Variants in LMNA observed in about 807,000 individuals in gnomAD.
The protein encoded by LMNA is lamin.
Under a neutral mutation model 70.4 loss-of-function variants are expected in LMNA, and 20 were observed. The ratio of observed to expected loss-of-function variants is 0.28; its 90% CI spans 0.20 to 0.41. LMNA has a LOEUF of 0.41. Among genes scored for constraint, LMNA ranks in the 10% least tolerant of loss-of-function variants. The probability of loss-of-function intolerance (pLI) is 1.00; values close to 1 mark genes in which losing one functional copy is unlikely to be tolerated. For missense variants in LMNA, 652 were observed against 917.2 expected (o/e 0.71, Z 3.73); for synonymous variants, 339 against 372.8 (o/e 0.91, Z 1.04).
rs1651849624 is a variant in LMNA, at chr1:156,138,414, G to A, written c.1699-74G>A. On this transcript the variant is annotated intron_variant, in intron 10 of 11. Transcript: ENST00000368300. This position sits in a 1 kb window ranked among gnomAD's most constrained non-coding sequence, Gnocchi z 5.5. ...GCCTGGCGGCTGGGAGCCTGCAGGA[G>A]CCTGGAGCCTGGTTGGGCCTGAGTG... The A allele has an allele frequency of 1.3e-6, 2 of 1,525,664 alleles. No homozygotes were observed. Among genetic ancestry groups the A allele is most frequent in the Middle Eastern group, 2.3e-4 (1 of 4,396 alleles). The allele number at this position is 1,525,664 out of a possible 1,614,324, so 94.5% of individuals were successfully genotyped here.
At chr1:156,092,508 G>A (rs1339009168) in intron 3 of LMNA, among the ~76,000 whole-genome samples, 3 of 151,666 alleles carry the variant, frequency 2.0e-5, no homozygotes, top group East Asian at 2.0e-4. Context: ...GCAAAACCCC[G>A]TCTCTACAAA....
intron 3 of LMNA, among the ~76,000 whole-genome samples, chr1:156,095,768 CTAAT>C (rs1300529589): frequency 1.3e-5 from 2 of 152,226 alleles, no homozygotes; most frequent in Admixed American, 1.3e-4. Context: ...CCCCACACTT[CTAAT>C]TAATTCTTGT....
chr1:156,134,144 G>T lies in LMNA; in HGVS notation c.514-259G>T, dbSNP rs1380474694. On this transcript the variant is annotated intron_variant, in intron 2 of 11. Coordinates refer to ENST00000368300, the MANE Select transcript of LMNA (RefSeq NM_170707.4). This position sits in a 1 kb window ranked among gnomAD's most constrained non-coding sequence, Gnocchi z 5.3. ...CGATTCTTGTGCCTCAGCCTCCTGA[G>T]TAGCTGGGACTACAGGCGTGTGCCA... Among the ~76,000 whole-genome samples the T allele has an allele frequency of 6.6e-6, 1 of 152,182 alleles. No individual in the cohort carries two copies. Among genetic ancestry groups the T allele is most frequent in the African/African-American group, 2.4e-5 (1 of 41,452 alleles).
chr1:156,115,307 G>A lies in LMNA; in HGVS notation c.356+33G>A. 5.7e-6 allele frequency: 9 copies of A among 1,572,302 alleles called. No individual in the cohort carries two copies. Among genetic ancestry groups the A allele is most frequent in the Non-Finnish European group, 7.7e-6 (9 of 1,162,694 alleles). On this transcript the variant is annotated intron_variant, in intron 1 of 11. Transcript: ENST00000368300. The surrounding 1 kb of genome is among the most constrained non-coding windows in gnomAD (Gnocchi z 5.8). Reference sequence around the variant, plus strand: ...CGCCCAGGTGGCTGCGTGCCTGGCGGGGAGTGGAGAGGGCGGCGGGCCGGC... The same window carrying A: ...CGCCCAGGTGGCTGCGTGCCTGGCGAGGAGTGGAGAGGGCGGCGGGCCGGC...
Position 156,134,480 on chromosome 1 carries a change from G to A in LMNA, c.591G>A (p.Leu197=), listed in dbSNP as rs886044049. The A allele has an allele frequency of 3.1e-6, 5 of 1,614,202 alleles. No homozygotes were observed. Among genetic ancestry groups the A allele is most frequent in the Non-Finnish European group, 4.2e-6 (5 of 1,180,032 alleles). The change falls in exon 3 of 12, where the codon CTG becomes CTA. Residue 197 remains leucine (L), a synonymous_variant. Coordinates refer to ENST00000368300, the MANE Select transcript of LMNA (RefSeq NM_170707.4). The surrounding 1 kb of genome is among the most constrained non-coding windows in gnomAD (Gnocchi z 5.3). The stretch of plus-strand genomic sequence containing the variant: ...GGCGGGTGGATGCTGAGAACAGGCT[G>A]CAGACCATGAAGGAGGAACTGGACT... ...MLRRVDAENR[L]QTMKEELDFQ...
chr1:156,090,846 G>T (rs1057421218), intron 3 of LMNA, among the ~76,000 whole-genome samples: 9 of 152,162 alleles, frequency 5.9e-5, no homozygotes, highest in African/African-American at 1.9e-4. Flanking sequence ...GGGGAGCAGG[G>T]GACAGGTTCA....
chr1:156,136,467 C>T lies in LMNA; in HGVS notation c.1380+31C>T, dbSNP rs774661762. On this transcript the variant is annotated intron_variant, in intron 7 of 11. Coordinates refer to ENST00000368300, the MANE Select transcript of LMNA (RefSeq NM_170707.4). This position sits in a 1 kb window ranked among gnomAD's most constrained non-coding sequence, Gnocchi z 6.1. ...CTCCTGCTCAGGGTCTAAGGGGATACAGCTGCATCAGGGAGAGAGTGGCAA... is the reference window on the plus strand; with the variant it reads ...CTCCTGCTCAGGGTCTAAGGGGATATAGCTGCATCAGGGAGAGAGTGGCAA... The T allele has an allele frequency of 4.6e-6, 7 of 1,536,416 alleles. No homozygotes were observed. The highest frequency in any genetic ancestry group is 3.6e-5 in the South Asian group (3 of 84,172).
In LMNA at chr1:156,138,866, C is replaced by G. The variant is rs1448876621; in HGVS notation, c.1968+109C>G. 1.8e-5 allele frequency: 26 copies of G among 1,465,918 alleles called. No homozygotes were observed. Among genetic ancestry groups the G allele is most frequent in the Non-Finnish European group, 2.1e-5 (22 of 1,058,922 alleles). The allele number at this position is 1,465,918 out of a possible 1,614,324, so 90.8% of individuals were successfully genotyped here. On this transcript the variant is annotated intron_variant, in intron 11 of 11. Coordinates refer to ENST00000368300, the MANE Select transcript of LMNA (RefSeq NM_170707.4). This position sits in a 1 kb window ranked among gnomAD's most constrained non-coding sequence, Gnocchi z 5.5. ...GAGAGCCTGCCTTCTCTTCCGCAGC[C>G]CGGGGGAGTGGGAGCCTCCTCCCCA...
At position 156,135,128 on chromosome 1, in the gene LMNA, G is replaced by A. The variant is rs1009130231; in HGVS notation, c.811-59G>A. Reference sequence around the variant, plus strand: ...GGCTGTAGCAGTGATGCCCAACTCAGGCCTGTGCCTCCACCCCTCCCAGTC... The same window carrying A: ...GGCTGTAGCAGTGATGCCCAACTCAAGCCTGTGCCTCCACCCCTCCCAGTC... On this transcript the variant is annotated intron_variant, in intron 4 of 11. Transcript: ENST00000368300. The surrounding 1 kb of genome is among the most constrained non-coding windows in gnomAD (Gnocchi z 4.8). The A allele has an allele frequency of 5.0e-6, 8 of 1,613,270 alleles. No individual in the cohort carries two copies. The highest frequency in any genetic ancestry group is 2.7e-5 in the African/African-American group (2 of 74,924).
chr1:156,091,922 A>T (rs916031449), intron 3 of LMNA, among the ~76,000 whole-genome samples: 19 of 147,456 alleles, frequency 1.3e-4, no homozygotes, highest in African/African-American at 2.5e-4. Flanking sequence ...ACAAAAAAAA[A>T]TTTTTTTTTT....
intron 3 of LMNA, among the ~76,000 whole-genome samples, chr1:156,101,424 T>G (rs2102799151): frequency 6.6e-6 from 1 of 152,226 alleles, no homozygotes; most frequent in Non-Finnish European, 1.5e-5. Flanking sequence ...CCCATGAATT[T>G]TGGATTGCAG....
chr1:156,139,655 C>T lies in LMNA; in HGVS notation c.*549C>T, dbSNP rs991751064. The T allele has an allele frequency of 6.4e-5, 95 of 1,495,180 alleles. 1 individual carries two copies. The Admixed American group carries it at 1.3e-3, about 20-fold the overall frequency. The allele number at this position is 1,495,180 out of a possible 1,614,324, so 92.6% of individuals were successfully genotyped here. On this transcript the variant is annotated 3_prime_UTR_variant, in exon 12 of 12. Coordinates refer to ENST00000368300, the MANE Select transcript of LMNA (RefSeq NM_170707.4). ...CTTGGCCTGCTGTGATTCCACTACA[C>T]CTGGCTGAGGTTCCTCTGCCTGCCC...
Position 156,093,346 on chromosome 1 carries a change from A to G in LMNA, c.-207+2764A>G, listed in dbSNP as rs371707561. Among the ~76,000 whole-genome samples, 528 of 124,954 alleles carry G rather than the reference A, an allele frequency of 4.2e-3. 3 individuals are homozygous for G. Among genetic ancestry groups the G allele is most frequent in the African/African-American group, 0.016 (512 of 31,510 alleles). The allele number at this position is 124,954 out of a possible 152,430, so 82.0% of individuals were successfully genotyped here. On this transcript the variant is annotated intron_variant, in intron 3 of 12. Transcript: ENST00000368301. ...TTTTTAGATAGGTTCTGGCTCTGTC[A>G]CCCAGGCTAGAGTGCAGTGGCACGA...
intron 1 of LMNA, among the ~76,000 whole-genome samples, chr1:156,122,706 C>A (rs550722445): frequency 6.6e-6 from 1 of 152,140 alleles, no homozygotes; most frequent in African/African-American, 2.4e-5. Context: ...GGGGCTAGGG[C>A]GAAGGCCTAG....
rs374926367 is a variant in LMNA, at chr1:156,139,089, A to G, written c.1978A>G (p.Asn660Asp). ...CTGTTTTCTCTCTTAGAGCCCCCAG[A>G]ACTGCAGCATCATGTAATCTGGGAC... Reference protein sequence around the residue: ...NSSPRTQSPQNCSIM With the variant: ...NSSPRTQSPQDCSIM The change falls in exon 12 of 12, where the codon AAC becomes GAC. Residue 660 changes from asparagine to aspartate, a missense_variant. Physicochemically the swap from Asn to Asp is conservative, Grantham distance 23 (BLOSUM62 1). Transcript: ENST00000368300. 9.1e-5 allele frequency: 147 copies of G among 1,613,560 alleles called. No homozygotes were observed. The highest frequency in any genetic ancestry group is 8.6e-5 in the Non-Finnish European group (101 of 1,179,894).
intron 2 of LMNA, among the ~76,000 whole-genome samples, chr1:156,090,306 A>G (rs952215924): frequency 4.6e-5 from 7 of 152,284 alleles, no homozygotes; most frequent in African/African-American, 1.7e-4. Context: ...TTTACAGAGG[A>G]GACTGAGGCC....
rs1651676458 is a variant in LMNA at position 156,136,785 on chromosome 1, G to A, written c.1381-136G>A. On this transcript the variant is annotated intron_variant, in intron 7 of 11. Transcript: ENST00000368300. This position sits in a 1 kb window ranked among gnomAD's most constrained non-coding sequence, Gnocchi z 6.1. ...TCATGGCTATTATCCCCGGGGGAAG[G>A]GCAGTGACAGGGGTGTGTGTAGATG... The A allele has an allele frequency of 3.9e-6, 3 of 760,116 alleles. No homozygotes were observed. Among genetic ancestry groups the A allele is most frequent in the Non-Finnish European group, 6.9e-6 (3 of 435,222 alleles). The allele number at this position is 760,116 out of a possible 1,614,324, so 47.1% of individuals were successfully genotyped here. A position where few individuals can be genotyped will look rare whatever the true frequency, so the allele number is the denominator to read the frequency against.
intron 2 of LMNA, among the ~76,000 whole-genome samples, chr1:156,084,333 G>GGGGA (rs1553259254): frequency 1.5e-5 from 1 of 68,462 alleles, no homozygotes; most frequent in Non-Finnish European, 2.5e-5. Context: ...AAGGTCGGGG[G>GGGGA]GTGGTGGGGG....
Position 156,137,702 on chromosome 1 carries a change from G to A in LMNA, c.1657G>A (p.Asp553Asn), listed in dbSNP as rs373671419. The A allele has an allele frequency of 3.0e-5, 46 of 1,555,816 alleles. No individual in the cohort carries two copies. In the Admixed American group the frequency reaches 7.4e-4, roughly 25 times the overall value. Residue 553 changes from aspartate to asparagine, a missense_variant, in exon 10 of 12, where the codon GAC becomes AAC. By Grantham distance (23) the Asp-to-Asn change is conservative. Coordinates refer to ENST00000368300, the MANE Select transcript of LMNA (RefSeq NM_170707.4). The surrounding 1 kb of genome is among the most constrained non-coding windows in gnomAD (Gnocchi z 4.6). ...LVRSVTVVED[D>N]EDEDGDDLLH... ...GCGCTCAGTGACTGTGGTTGAGGAC[G>A]ACGAGGATGAGGATGGAGATGACCT...
Sources: gnomAD v4.1 joint callset for allele counts (sites outside exome capture counted in the v4.1 genomes callset) on GRCh38, gnomAD v4.1.1 for gene constraint, Gnocchi (gnomAD v3.1) non-coding constraint, MANE v1.5 for transcripts, NCBI Gene and HGNC (gene_info 2026-07-23, HGNC 2026-07-21) for gene names.